PCCA: variants seen among roughly 807,000 people sequenced by gnomAD.
The protein encoded by PCCA is propionyl-CoA carboxylase alpha chain, mitochondrial.
A neutral mutation model predicts 101.3 loss-of-function variants in PCCA; 74 were observed. The observed-to-expected ratio is 0.73, with a 90% confidence interval of 0.61 to 0.89. The LOEUF (loss-of-function observed/expected upper bound fraction) is 0.89. PCCA is among the 40% of genes least tolerant of loss of function. PCCA has a pLI of 0.00. For missense variants in PCCA, 891 were observed against 907.0 expected (o/e 0.98, Z 0.23); for synonymous variants, 294 against 313.6 (o/e 0.94, Z 0.66).
intron 19 of PCCA, among the ~76,000 whole-genome samples, chr13:100,375,422 T>G (rs2075841117): frequency 6.6e-6 from 1 of 152,172 alleles, no homozygotes; most frequent in African/African-American, 2.4e-5. Context: ...TGAATATCCT[T>G]GTTAATTTTC....
At chr13:100,127,146 T>C (rs745586954) in intron 4 of PCCA, among the ~76,000 whole-genome samples, 1 of 152,190 alleles carries the variant, frequency 6.6e-6, no homozygotes. Flanking sequence ...AGGCAAAAAT[T>C]ATATTTGGGC....
At chr13:100,256,560 A>G (rs1430211245) in intron 8 of PCCA, among the ~76,000 whole-genome samples, 2 of 152,250 alleles carry the variant, frequency 1.3e-5, no homozygotes, top group Non-Finnish European at 2.9e-5. Context: ...TAAAACGCTT[A>G]GGAAGCAGGT....
chr13:100,501,116 A>G (rs2152988395), intron 21 of PCCA, among the ~76,000 whole-genome samples: 1 of 152,308 alleles, frequency 6.6e-6, no homozygotes, highest in South Asian at 2.1e-4. Context: ...ATGCCACTGC[A>G]TTCCAACCTG....
At position 100,425,657 on chromosome 13, in the gene PCCA, A is replaced by C; in HGVS notation, c.1771A>C (p.Asn591His). The C allele has an allele frequency of 6.2e-7, 1 of 1,613,996 alleles. No homozygotes were observed. Residue 591 changes from asparagine to histidine, a missense_variant, in exon 20 of 24, where the codon AAT (asparagine) becomes CAT (histidine). Asn to His is a moderately conservative substitution (Grantham distance 68). Coordinates refer to ENST00000376285, the MANE Select transcript of PCCA (RefSeq NM_000282.4). ...FSVEVDGSKL[N>H]VTSTWNLASP... ...GGTGGAAGTTGATGGGTCGAAACTA[A>C]ATGTGACCAGCACGTGGAACCTGGC...
At chr13:100,133,461 C>G (rs912702744) in intron 4 of PCCA, among the ~76,000 whole-genome samples, 1 of 152,166 alleles carries the variant, frequency 6.6e-6, no homozygotes, top group African/African-American at 2.4e-5. Flanking sequence ...TGTCTAAGAA[C>G]TCTTTACCTA....
At chr13:100,409,697 A>G in intron 19 of PCCA, among the ~76,000 whole-genome samples, 1 of 152,248 alleles carries the variant, frequency 6.6e-6, no homozygotes, top group East Asian at 1.9e-4. Flanking sequence ...TCAACATGAG[A>G]TTTGAACAGG....
intron 6 of PCCA, among the ~76,000 whole-genome samples, chr13:100,172,573 A>G (rs1052001762): frequency 3.3e-5 from 5 of 152,184 alleles, no homozygotes; most frequent in Non-Finnish European, 5.9e-5. Context: ...CCTTGATCAT[A>G]CCATTTAAAA....
chr13:100,499,237 C>T (rs1416251868), intron 21 of PCCA, among the ~76,000 whole-genome samples: 1 of 152,178 alleles, frequency 6.6e-6, no homozygotes, highest in African/African-American at 2.4e-5. Context: ...AAGACTTCTC[C>T]TTTGTCAGCA....
Position 100,301,531 on chromosome 13 carries a change from C to CT in PCCA, c.1138dup (p.Tyr380LeufsTer9). On this transcript the variant is annotated frameshift_variant, in exon 13 of 24. Transcript: ENST00000376285. LOFTEE classifies it high-confidence loss of function. Reference sequence around the variant, plus strand: ...AGGAAATGATCCGTGTTGCTAAGGGCTACCCTCTCAGGCACAAACAAGCTG... The same window carrying CT: ...AGGAAATGATCCGTGTTGCTAAGGGCTTACCCTCTCAGGCACAAACAAGCTG... 5 of 1,614,042 alleles carry CT rather than the reference C, an allele frequency of 3.1e-6. No homozygotes were observed. Among genetic ancestry groups the CT allele is most frequent in the Non-Finnish European group, 3.4e-6 (4 of 1,179,924 alleles).
At chr13:100,123,132 T>C (rs2049580007) in intron 4 of PCCA, among the ~76,000 whole-genome samples, 2 of 152,180 alleles carry the variant, frequency 1.3e-5, no homozygotes, top group African/African-American at 4.8e-5. Flanking sequence ...TCTTGGTTCA[T>C]TGCAACCTCC....
chr13:100,118,125 GAA>G (rs537580846), intron 4 of PCCA, among the ~76,000 whole-genome samples: 3 of 95,328 alleles, frequency 3.1e-5, no homozygotes, highest in African/African-American at 7.2e-5. Flanking sequence ...CAAAAAAAAA[GAA>G]AAAAAAAAAA....
chr13:100,486,723 G>A (rs1279948322), intron 21 of PCCA, among the ~76,000 whole-genome samples: 4 of 152,110 alleles, frequency 2.6e-5, no homozygotes, highest in African/African-American at 9.7e-5. Context: ...GACTAGACTG[G>A]GCAACCTAGT....
At chr13:100,214,452 A>C (rs1194248696) in intron 7 of PCCA, among the ~76,000 whole-genome samples, 12 of 148,820 alleles carry the variant, frequency 8.1e-5, no homozygotes, top group Admixed American at 8.1e-4. Flanking sequence ...TTTAGATGGA[A>C]CCTCGCTCTG....
intron 22 of PCCA, among the ~76,000 whole-genome samples, chr13:100,516,608 T>C (rs1179853971): frequency 1.3e-5 from 2 of 152,206 alleles, no homozygotes; most frequent in African/African-American, 4.8e-5. Context: ...CAGAAAGGCA[T>C]AAAAGAGGCT....
chr13:100,508,549 A>G (rs2152993672), intron 21 of PCCA, among the ~76,000 whole-genome samples: 1 of 152,346 alleles, frequency 6.6e-6, no homozygotes, highest in Non-Finnish European at 1.5e-5. Context: ...GTGTGTCACT[A>G]AACAGCCAGG....
At chr13:100,165,126 A>G (rs990815768) in intron 6 of PCCA, among the ~76,000 whole-genome samples, 1 of 152,188 alleles carries the variant, frequency 6.6e-6, no homozygotes, top group Non-Finnish European at 1.5e-5. Context: ...TAATGCTGCT[A>G]TGAACACTGG....
chr13:100,189,078 C>T (rs905974195), intron 6 of PCCA, among the ~76,000 whole-genome samples: 1 of 152,066 alleles, frequency 6.6e-6, no homozygotes, highest in Non-Finnish European at 1.5e-5. Flanking sequence ...TGATGTTCCC[C>T]TCCCTGTGTC....
intron 6 of PCCA, among the ~76,000 whole-genome samples, chr13:100,197,267 G>A (rs2058167267): frequency 6.6e-6 from 1 of 152,028 alleles, no homozygotes; most frequent in Non-Finnish European, 1.5e-5. Flanking sequence ...GAGTGCAGTG[G>A]TGTGAACATG....
chr13:100,233,475 A>G (rs1012199378), intron 7 of PCCA, among the ~76,000 whole-genome samples: 1 of 152,118 alleles, frequency 6.6e-6, no homozygotes, highest in Non-Finnish European at 1.5e-5. Context: ...TAAACTTATG[A>G]TGTTATAGGC....
Sources: allele counts gnomAD v4.1 joint callset (sites outside exome capture counted in the v4.1 genomes callset), GRCh38; gene constraint gnomAD v4.1.1; transcripts MANE v1.5; gene names NCBI Gene and HGNC (gene_info 2026-07-23, HGNC 2026-07-21).